Variants in ZNF331 observed in about 807,000 individuals in gnomAD.
ZNF331 encodes C2H2-like zinc finger protein rearranged in thyroid adenomas.
In ZNF331, 2 loss-of-function variants were observed where a neutral mutation model predicts 7.0. The observed-to-expected ratio is 0.29, with a 90% CI of 0.12 to 0.90. The LOEUF (loss-of-function observed/expected upper bound fraction) is 0.90. ZNF331 is among the 40% of genes least tolerant of loss of function. The probability of loss-of-function intolerance (pLI) is 0.58; values close to 1 mark genes in which losing one functional copy is unlikely to be tolerated. For synonymous variants in ZNF331, 196 were observed against 205.4 expected (o/e 0.95, Z 0.39); for missense variants, 432 against 587.7 (o/e 0.74, Z 2.74).
intron 2 of ZNF331, among the ~76,000 whole-genome samples, chr19:53,532,709 A>G (rs73049584): frequency 0.073 from 11,032 of 152,118 alleles, 527 homozygotes; most frequent in Non-Finnish European, 0.11. Context: ...CTCATTACTG[A>G]TGTGTTCAGA....
intron 2 of ZNF331, among the ~76,000 whole-genome samples, chr19:53,547,924 G>C (rs1043507657): frequency 2.6e-5 from 4 of 151,600 alleles, no homozygotes; most frequent in Non-Finnish European, 5.9e-5. Flanking sequence ...TGTCATTTTT[G>C]TTTGTTTTTT....
At chr19:53,526,355 G>A (rs2708775) in intron 2 of ZNF331, among the ~76,000 whole-genome samples, 2,248 of 152,186 alleles carry the variant, frequency 0.015, 52 homozygotes, top group African/African-American at 0.051. Context: ...TTAGGTCTTC[G>A]AATGTTTGGT....
upstream of ZNF331, chr19:53,537,672 T>A (rs1476169193): frequency 2.0e-5 from 3 of 152,294 alleles, no homozygotes; most frequent in Admixed American, 2.0e-4. Flanking sequence ...AACACGGGGC[T>A]TGGGGCTCTG....
At chr19:53,565,239 G>A (rs367995126) in intron 3 of ZNF331, among the ~76,000 whole-genome samples, 8 of 152,336 alleles carry the variant, frequency 5.3e-5, no homozygotes, top group African/African-American at 1.4e-4. Context: ...GTGCCAGGAA[G>A]GGGACATCAT....
At chr19:53,545,521 C>T (rs2088538025) in intron 2 of ZNF331, among the ~76,000 whole-genome samples, 2 of 152,200 alleles carry the variant, frequency 1.3e-5, no homozygotes, top group Non-Finnish European at 2.9e-5. Context: ...TCACCCCACT[C>T]AAGAGGCCAG....
In ZNF331 at chr19:53,577,356, A is replaced by G; in HGVS notation, c.796A>G (p.Ser266Gly). 2 of 1,613,804 alleles carry G rather than the reference A, an allele frequency of 1.2e-6. No homozygotes were observed. The highest frequency in any genetic ancestry group is 1.7e-6 in the Non-Finnish European group (2 of 1,179,942). Residue 266 changes from serine to glycine, a missense_variant, in exon 6 of 6, where the codon AGT becomes GGT. Physicochemically the swap from Ser to Gly is moderately conservative, Grantham distance 56. This residue lies in a region of ZNF331 where 312 missense variants were observed against 448.6 expected (regional missense o/e 0.70). Coordinates refer to ENST00000449416, the MANE Select transcript of ZNF331 (RefSeq NM_001079906.2). ...YKLIQHKRIH[S>G]GEKPYECKDC... ...ACTTATTCAGCACAAGAGAATTCAT[A>G]GTGGGGAGAAGCCTTACGAGTGTAA...
intron 5 of ZNF331, among the ~76,000 whole-genome samples, chr19:53,576,476 C>T (rs533974203): frequency 9.7e-4 from 147 of 152,266 alleles, no homozygotes; most frequent in Non-Finnish European, 1.7e-3. Flanking sequence ...GACTAATTGT[C>T]GGGACCTTTT....
intron 2 of ZNF331, among the ~76,000 whole-genome samples, chr19:53,552,720 G>A (rs933024745): frequency 2.0e-5 from 3 of 152,048 alleles, no homozygotes; most frequent in Admixed American, 6.6e-5. Flanking sequence ...GTGACAAAGC[G>A]AGACCCTGTT....
intron 2 of ZNF331, among the ~76,000 whole-genome samples, chr19:53,553,698 T>C (rs1357357880): frequency 2.0e-5 from 3 of 152,204 alleles, no homozygotes; most frequent in Admixed American, 1.3e-4. Context: ...GCCTGTACAT[T>C]GTTTACAATC....
intron 3 of ZNF331, among the ~76,000 whole-genome samples, chr19:53,566,106 G>A (rs1345129899): frequency 6.6e-6 from 1 of 152,096 alleles, no homozygotes; most frequent in East Asian, 1.9e-4. Flanking sequence ...GGGATACAAA[G>A]CAAAACCAGC....
intron 2 of ZNF331, among the ~76,000 whole-genome samples, chr19:53,531,206 C>T (rs771211568): frequency 3.3e-5 from 5 of 152,112 alleles, no homozygotes; most frequent in African/African-American, 9.7e-5. Context: ...AAGTGAGTTA[C>T]GTTTTATTCA....
At chr19:53,561,487 G>T (rs1418838655) in intron 3 of ZNF331, among the ~76,000 whole-genome samples, 1 of 152,110 alleles carries the variant, frequency 6.6e-6, no homozygotes, top group Admixed American at 6.5e-5. Context: ...CCTTAAGCAG[G>T]TATGTGTTTT....
intron 3 of ZNF331, among the ~76,000 whole-genome samples, chr19:53,559,946 CCACA>C (rs139634754): frequency 3.2e-4 from 48 of 149,044 alleles, no homozygotes; most frequent in Non-Finnish European, 5.4e-4. Flanking sequence ...TACATACACA[CCACA>C]CACACACATA....
chr19:53,536,689 C>G (rs557777066), upstream of ZNF331, among the ~76,000 whole-genome samples: 1 of 152,122 alleles, frequency 6.6e-6, no homozygotes, highest in Non-Finnish European at 1.5e-5. Context: ...CACCTGAGGT[C>G]GGGAGTTCGA....
chr19:53,561,003 C>A (rs562692108), intron 3 of ZNF331, among the ~76,000 whole-genome samples: 1 of 152,046 alleles, frequency 6.6e-6, no homozygotes, highest in Admixed American at 6.6e-5. Flanking sequence ...TACAAAAATA[C>A]AAAAGTTAGC....
exon 1 of ZNF331, chr19:53,521,381 T>G (rs1373535650): frequency 6.6e-6 from 1 of 150,412 alleles, no homozygotes; most frequent in Non-Finnish European, 1.5e-5. Flanking sequence ...AGAGGCTGCC[T>G]GGTGGGGCCC....
Position 53,577,368 on chromosome 19 carries a change from C to T in ZNF331, c.808C>T (p.Pro270Ser), listed in dbSNP as rs926725146. The T allele has an allele frequency of 1.2e-6, 2 of 1,613,260 alleles. No individual in the cohort carries two copies. The highest frequency in any genetic ancestry group is 1.1e-5 in the South Asian group (1 of 91,022). The change falls in exon 6 of 6, where the codon CCT becomes TCT. Residue 270 changes from proline (P) to serine (S), a missense_variant. Pro to Ser is a moderately conservative substitution (Grantham distance 74, BLOSUM62 -1). This residue lies in a region of ZNF331 where 312 missense variants were observed against 448.6 expected (regional missense o/e 0.70). Transcript: ENST00000449416. Reference protein sequence around the residue: ...QHKRIHSGEKPYECKDCGKAF... With the variant: ...QHKRIHSGEKSYECKDCGKAF... ...CAAGAGAATTCATAGTGGGGAGAAGCCTTACGAGTGTAAAGACTGTGGGAA... is the reference window on the plus strand; with the variant it reads ...CAAGAGAATTCATAGTGGGGAGAAGTCTTACGAGTGTAAAGACTGTGGGAA...
At chr19:53,518,868 T>C (rs1439593404), upstream of ZNF331, among the ~76,000 whole-genome samples, 1 of 152,156 alleles carries the variant, frequency 6.6e-6, no homozygotes, top group Non-Finnish European at 1.5e-5. Flanking sequence ...ACGGTTGCAG[T>C]TAAGATGGTT....
chr19:53,574,807 G>T (rs978914368), intron 5 of ZNF331, among the ~76,000 whole-genome samples: 3 of 152,046 alleles, frequency 2.0e-5, no homozygotes, highest in Non-Finnish European at 4.4e-5. Flanking sequence ...TTTATCAGCT[G>T]TTATAATTTA....
Sources: allele counts gnomAD v4.1 joint callset (sites outside exome capture counted in the v4.1 genomes callset), GRCh38; gene constraint gnomAD v4.1.1; regional missense constraint gnomAD v4.1.1; transcripts MANE v1.5; gene names NCBI Gene and HGNC (gene_info 2026-07-23, HGNC 2026-07-21).